IL1RAPL1: variants seen among roughly 807,000 people sequenced by gnomAD.
IL1RAPL1 encodes interleukin-1 receptor accessory protein-like 1.
Under a neutral mutation model 48.4 loss-of-function variants are expected in IL1RAPL1, and 3 were observed. The ratio of observed to expected loss-of-function variants is 0.06; its 90% CI spans 0.03 to 0.16. The LOEUF (loss-of-function observed/expected upper bound fraction) is 0.16. Ranked by LOEUF, IL1RAPL1 falls within the 10% of genes least tolerant of loss-of-function variation. The pLI, the probability that IL1RAPL1 is intolerant of heterozygous loss-of-function variation, is 1.00. For missense variants in IL1RAPL1, 349 were observed against 530.6 expected, an observed-to-expected ratio of 0.66 and a Z score of 3.36; for synonymous variants, 185 against 187.7, an observed-to-expected ratio of 0.99 and a Z score of 0.12.
chrX:28,645,051 G>C (rs61298104), intron 1 of IL1RAPL1, among the ~76,000 whole-genome samples: 8,497 of 110,054 alleles, frequency 0.077, 281 homozygotes, highest in African/African-American at 0.13. Context: ...AAAAAGTATG[G>C]ATAAAAGGGA....
At chrX:29,752,721 C>A (rs1383980946) in intron 6 of IL1RAPL1, among the ~76,000 whole-genome samples, 3 of 111,038 alleles carry the variant, frequency 2.7e-5, no homozygotes, top group Admixed American at 9.7e-5. Context: ...GTTTATTTTG[C>A]ATCCCCAGAT....
chrX:29,486,113 T>C (rs897779767), intron 5 of IL1RAPL1, among the ~76,000 whole-genome samples: 9 of 111,168 alleles, frequency 8.1e-5, no homozygotes, highest in Non-Finnish European at 1.5e-4. Flanking sequence ...TTTCTCGGGA[T>C]TGACATCAGC....
Position 29,275,790 on chromosome X carries a change from A to G in IL1RAPL1, c.83-7148A>G, listed in dbSNP as rs777151847. On this transcript the variant is annotated intron_variant, in intron 2 of 10. Transcript: ENST00000378993. ...GATGCAAGTCTCAGTAATCTTTGTC[A>G]TAGAAGAGTGAGTTGCACATCATAT... 4.5e-5 allele frequency among the ~76,000 whole-genome samples: 5 copies of G among 112,216 alleles called. No homozygotes were observed. In the South Asian group the frequency reaches 1.8e-3, roughly 41 times the overall value.
At chrX:29,906,490 T>C (rs867614996) in intron 6 of IL1RAPL1, among the ~76,000 whole-genome samples, 3 of 42,174 alleles carry the variant, frequency 7.1e-5, no homozygotes, top group Non-Finnish European at 1.2e-4. Context: ...TATATATATA[T>C]ATATATATAT....
rs970517120 is a variant in IL1RAPL1, at chrX:29,245,125, A to G, written c.83-37813A>G. On this transcript the variant is annotated intron_variant, in intron 2 of 10. Coordinates refer to ENST00000378993, the MANE Select transcript of IL1RAPL1 (RefSeq NM_014271.4). ...TGATCTCATCCTTTCTTATGGCTGCATAGTATTCCATGGTGTATGTGTGCC... is the reference window on the plus strand; with the variant it reads ...TGATCTCATCCTTTCTTATGGCTGCGTAGTATTCCATGGTGTATGTGTGCC... Among the ~76,000 whole-genome samples the G allele has an allele frequency of 3.6e-5, 4 of 111,519 alleles. No homozygotes were observed. In the Admixed American group the frequency reaches 3.8e-4, roughly 11 times the overall value.
At chrX:28,723,021 C>G (rs1053169542) in intron 1 of IL1RAPL1, among the ~76,000 whole-genome samples, 1 of 111,441 alleles carries the variant, frequency 9.0e-6, no homozygotes, top group African/African-American at 3.3e-5. Context: ...ATTTTTACAT[C>G]GATGTTCATC....
chrX:29,096,349 C>T (rs1181919034), intron 2 of IL1RAPL1, among the ~76,000 whole-genome samples: 1 of 111,873 alleles, frequency 8.9e-6, no homozygotes, highest in Non-Finnish European at 1.9e-5. Context: ...GCCAATATAG[C>T]TATACAATTA....
chrX:29,475,876 A>C (rs2147742592), intron 5 of IL1RAPL1, among the ~76,000 whole-genome samples: 1 of 110,213 alleles, frequency 9.1e-6, no homozygotes, highest in Non-Finnish European at 1.9e-5. Context: ...TTCCTTTAAT[A>C]TATATCTGAT....
At chrX:28,864,410 A>T (rs1392230419) in intron 2 of IL1RAPL1, among the ~76,000 whole-genome samples, 1 of 112,541 alleles carries the variant, frequency 8.9e-6, no homozygotes, top group East Asian at 2.8e-4. Context: ...ACATTTATAA[A>T]GTAAGATAAC....
intron 2 of IL1RAPL1, among the ~76,000 whole-genome samples, chrX:29,170,946 G>A (rs1213619222): frequency 9.0e-6 from 1 of 111,026 alleles, no homozygotes; most frequent in African/African-American, 3.3e-5. Flanking sequence ...ATTTTATATG[G>A]ATGGTGGTTT....
At chrX:29,856,429 A>G (rs1466507090) in intron 6 of IL1RAPL1, among the ~76,000 whole-genome samples, 1 of 112,149 alleles carries the variant, frequency 8.9e-6, no homozygotes, top group Non-Finnish European at 1.9e-5. Flanking sequence ...CATGTATTAC[A>G]TAGCATCCAA....
At chrX:28,836,768 TCAC>T (rs953416618) in intron 2 of IL1RAPL1, among the ~76,000 whole-genome samples, 5 of 109,855 alleles carry the variant, frequency 4.6e-5, no homozygotes, top group Non-Finnish European at 9.5e-5. Flanking sequence ...GTCATCATCA[TCAC>T]CACCACCACC....
intron 1 of IL1RAPL1, among the ~76,000 whole-genome samples, chrX:28,651,336 G>C (rs1250088719): frequency 8.9e-6 from 1 of 112,252 alleles, no homozygotes; most frequent in Non-Finnish European, 1.9e-5. Flanking sequence ...TTGGAACACA[G>C]CCACACCCAT....
rs1491428138 is a variant in IL1RAPL1 at position 29,688,754 on chromosome X, CTG to C, written c.778+20258_778+20259del. ...TCTCTCTCTCTCTCTCTCTCTCTCT[CTG>C]TGTGTGTCTGTGTGTGTGTGTTTGT... On this transcript the variant is annotated intron_variant, in intron 6 of 10. Transcript: ENST00000378993. Among the ~76,000 whole-genome samples, 262 of 103,898 alleles carry C rather than the reference CTG, an allele frequency of 2.5e-3. 2 individuals carry two copies. The highest frequency in any genetic ancestry group is 8.4e-3 in the African/African-American group (225 of 26,693). 90.2% of individuals were successfully genotyped at this position (103,898 alleles called of 115,157 possible).
chrX:29,728,772 C>T (rs1304595835), intron 6 of IL1RAPL1, among the ~76,000 whole-genome samples: 1 of 112,463 alleles, frequency 8.9e-6, no homozygotes, highest in South Asian at 3.7e-4. Flanking sequence ...ACACACACTT[C>T]TGTGGATTGA....
At chrX:29,032,364 C>A (rs941291389) in intron 2 of IL1RAPL1, among the ~76,000 whole-genome samples, 2 of 112,225 alleles carry the variant, frequency 1.8e-5, no homozygotes, top group African/African-American at 3.2e-5. Flanking sequence ...TTCTTCTGTT[C>A]ATTTCCAGAT....
intron 6 of IL1RAPL1, among the ~76,000 whole-genome samples, chrX:29,678,392 G>T (rs1601775050): frequency 1.3e-5 from 1 of 76,260 alleles, no homozygotes; most frequent in East Asian, 4.7e-4. Context: ...GTCTCGCTGT[G>T]TCGCCCAGGC....
intron 1 of IL1RAPL1, among the ~76,000 whole-genome samples, chrX:28,684,377 A>G (rs73547847): frequency 9.0e-6 from 1 of 111,535 alleles, no homozygotes; most frequent in African/African-American, 3.3e-5. Context: ...CATGAAAGTG[A>G]TTTTCAGCAC....
chrX:29,291,135 C>G (rs1031253467), intron 3 of IL1RAPL1, among the ~76,000 whole-genome samples: 2 of 111,704 alleles, frequency 1.8e-5, no homozygotes, highest in Non-Finnish European at 3.8e-5. Context: ...GAGGTTCTTC[C>G]TGCTTAGTTC....
Sources: gnomAD v4.1 joint callset for allele counts (sites outside exome capture counted in the v4.1 genomes callset) on GRCh38, gnomAD v4.1.1 for gene constraint, MANE v1.5 for transcripts, NCBI Gene and HGNC (gene_info 2026-07-23, HGNC 2026-07-21) for gene names.